The following PALD1 variants were observed in gnomAD, a reference collection of about 807,000 sequenced individuals.
PALD1 encodes paladin.
In PALD1, 57 loss-of-function variants were observed where a neutral mutation model predicts 96.0. The ratio of observed to expected loss-of-function variants is 0.59; its 90% CI spans 0.48 to 0.74. The LOEUF (loss-of-function observed/expected upper bound fraction) is 0.74. PALD1 is among the 30% of genes least tolerant of loss of function. The pLI, the probability that PALD1 is intolerant of heterozygous loss-of-function variation, is 0.00. For missense variants in PALD1, 1,063 were observed against 1,143.7 expected, an observed-to-expected ratio of 0.93 and a Z score of 1.02; for synonymous variants, 464 against 473.6, an observed-to-expected ratio of 0.98 and a Z score of 0.26.
the PALD1 span, among the ~76,000 whole-genome samples, chr10:70,462,789 G>C: frequency 6.6e-6 from 1 of 152,170 alleles, no homozygotes; most frequent in Non-Finnish European, 1.5e-5. Context: ...GGGACAGTGG[G>C]TAGCCTTGGC....
At chr10:70,531,719 G>A (rs1009572594) in intron 5 of PALD1, among the ~76,000 whole-genome samples, 24 of 152,094 alleles carry the variant, frequency 1.6e-4, no homozygotes, top group East Asian at 3.9e-4. Context: ...CTGGTGGGCC[G>A]GGTGCAGTGG....
intron 1 of PALD1, among the ~76,000 whole-genome samples, chr10:70,493,558 G>A (rs1846134251): frequency 6.6e-6 from 1 of 152,180 alleles, no homozygotes; most frequent in South Asian, 2.1e-4. Flanking sequence ...GCAGCTGAGG[G>A]TGGCGTTGGC....
rs1192247907 is a variant in PALD1, at chr10:70,539,345, G to C, written c.1725+98G>C. On this transcript the variant is annotated intron_variant, in intron 14 of 19. Coordinates refer to ENST00000263563, the MANE Select transcript of PALD1 (RefSeq NM_014431.3). The surrounding 1 kb of genome is among the most constrained non-coding windows in gnomAD (Gnocchi z 4.5). ...GGCCTCACACTCCCGCAGACAGATG[G>C]AGAATCTGAGGCCCCGGGAGGAGCA... 3 of 1,283,314 alleles carry C rather than the reference G, an allele frequency of 2.3e-6. No individual in the cohort carries two copies. The African/African-American group carries it at 4.5e-5, about 19-fold the overall frequency. 79.5% of individuals were successfully genotyped at this position (1,283,314 alleles called of 1,614,324 possible).
At chr10:70,511,220 A>T (rs1006253776) in intron 1 of PALD1, among the ~76,000 whole-genome samples, 7 of 152,194 alleles carry the variant, frequency 4.6e-5, no homozygotes, top group Non-Finnish European at 1.0e-4. Flanking sequence ...AAAGCCAAAT[A>T]ACAGTGGTTT....
At position 70,489,656 on chromosome 10, in the gene PALD1, T is replaced by C. The variant is rs547573428; in HGVS notation, c.-30+10597T>C. ...CTCAAATGTGGGTAATACGTGGACT[T>C]CCAATTCACAGCCCTATTGAGATCT... On this transcript the variant is annotated intron_variant, in intron 1 of 19. Transcript: ENST00000263563. 1.1e-4 allele frequency among the ~76,000 whole-genome samples: 17 copies of C among 152,300 alleles called. No homozygotes were observed. The South Asian group carries it at 3.5e-3, about 32-fold the overall frequency.
chr10:70,530,619 G>C (rs570444143), intron 4 of PALD1, among the ~76,000 whole-genome samples: 4 of 152,100 alleles, frequency 2.6e-5, no homozygotes, highest in Admixed American at 6.5e-5. Context: ...AGGGTTTTGC[G>C]TGTCCCTAGG....
At chr10:70,537,059 G>T (rs1289667679) in intron 10 of PALD1, among the ~76,000 whole-genome samples, 4 of 152,132 alleles carry the variant, frequency 2.6e-5, no homozygotes, top group African/African-American at 9.7e-5. Context: ...CTCCCCTGGA[G>T]CACTGCTGTG....
At chr10:70,538,461 C>A in intron 12 of PALD1, 53 bp downstream of exon 12, 1 of 1,562,964 alleles carries the variant, frequency 6.4e-7, no homozygotes, top group Non-Finnish European at 8.7e-7. Flanking sequence ...CTGGCCCTGG[C>A]CCCTAAACAC....
intron 1 of PALD1, among the ~76,000 whole-genome samples, chr10:70,517,832 C>T (rs1052678719): frequency 3.9e-5 from 6 of 152,144 alleles, no homozygotes; most frequent in African/African-American, 1.4e-4. Context: ...GCTTGTTTCT[C>T]TCGGTAATAG....
chr10:70,541,311 C>T (rs1847241089), intron 16 of PALD1, 69 bp downstream of exon 16: 1 of 1,543,692 alleles, frequency 6.5e-7, no homozygotes, highest in Non-Finnish European at 8.8e-7. Context: ...GTCCCAGGCA[C>T]ACTGGCTCCA....
rs778157571 is a variant in PALD1, at chr10:70,564,423, C to T, written c.2322C>T (p.Tyr774=). ...MRRLQLRSLQ[Y]LERYVCLILF... The stretch of plus-strand genomic sequence containing the variant: ...GGCTGCAGCTGCGGAGCCTGCAGTA[C>T]TTGGAGCGCTATGTCTGCCTGATTC... Residue 774 remains tyrosine (Y), a synonymous_variant, in exon 19 of 20, where the codon TAC becomes TAT. Transcript: ENST00000263563. 5 of 1,614,000 alleles carry T rather than the reference C, an allele frequency of 3.1e-6. No individual in the cohort carries two copies. Among genetic ancestry groups the T allele is most frequent in the Admixed American group, 3.3e-5 (2 of 60,006 alleles).
At position 70,487,022 on chromosome 10, in the gene PALD1, C is replaced by A. The variant is rs1419683048; in HGVS notation, c.-30+7963C>A. 3.3e-5 allele frequency among the ~76,000 whole-genome samples: 5 copies of A among 152,198 alleles called. No individual in the cohort carries two copies. The East Asian group carries it at 9.6e-4, about 29-fold the overall frequency. On this transcript the variant is annotated intron_variant, in intron 1 of 19. Transcript: ENST00000263563. ...GCCCCAGAGTTGCCCTTTGGGGAGC[C>A]CTCTGGGGAGGTGTGGAGTAGTCTC...
At chr10:70,520,319 G>A (rs1378002919) in intron 1 of PALD1, among the ~76,000 whole-genome samples, 1 of 152,192 alleles carries the variant, frequency 6.6e-6, no homozygotes, top group African/African-American at 2.4e-5. Flanking sequence ...GTGGGGGTTT[G>A]TAAACTTTAG....
intron 18 of PALD1, among the ~76,000 whole-genome samples, chr10:70,561,998 T>C (rs1253046531): frequency 6.6e-6 from 1 of 152,232 alleles, no homozygotes; most frequent in Admixed American, 6.5e-5. Flanking sequence ...CCCCAGTATG[T>C]GGCTTGGGTG....
At chr10:70,494,293 G>C (rs1366610049) in intron 1 of PALD1, among the ~76,000 whole-genome samples, 1 of 152,146 alleles carries the variant, frequency 6.6e-6, no homozygotes, top group Non-Finnish European at 1.5e-5. Flanking sequence ...GTTTATTTCT[G>C]TGTCTCTTGC....
chr10:70,484,152 A>C (rs1434716088), intron 1 of PALD1, among the ~76,000 whole-genome samples: 1 of 151,926 alleles, frequency 6.6e-6, no homozygotes, highest in Non-Finnish European at 1.5e-5. Context: ...ACAGGTGCCC[A>C]CCACTACGCC....
chr10:70,482,931 T>A (rs1399349884), intron 1 of PALD1, among the ~76,000 whole-genome samples: 1 of 152,180 alleles, frequency 6.6e-6, no homozygotes, highest in Non-Finnish European at 1.5e-5. Flanking sequence ...GAGGCCAGGA[T>A]GCTTGCACAG....
chr10:70,541,156 A>G lies in PALD1; in HGVS notation c.1963A>G (p.Thr655Ala). 6.2e-7 allele frequency: 1 copy of G among 1,613,650 alleles called. No individual in the cohort carries two copies. Among genetic ancestry groups the G allele is most frequent in the Non-Finnish European group, 8.5e-7 (1 of 1,179,782 alleles). Residue 655 changes from threonine to alanine, a missense_variant, in exon 16 of 20, where the codon ACT (threonine) becomes GCT (alanine). Thr to Ala is a moderately conservative substitution (Grantham distance 58). Coordinates refer to ENST00000263563, the MANE Select transcript of PALD1 (RefSeq NM_014431.3). ...GGCCGCCCTCTCCAAGGACCCAGGCACTGGCTTCGTGTTCAGCTGCCTCAG... is the reference window on the plus strand; with the variant it reads ...GGCCGCCCTCTCCAAGGACCCAGGCGCTGGCTTCGTGTTCAGCTGCCTCAG... The part of the protein sequence containing the change: ...LRAALSKDPG[T>A]GFVFSCLSGQ...
At chr10:70,526,238 G>A in intron 2 of PALD1, 102 bp downstream of exon 2, 1 of 925,820 alleles carries the variant, frequency 1.1e-6, no homozygotes. Context: ...CTTGCAGACT[G>A]GATTCGGGTT....
Sources: allele counts gnomAD v4.1 joint callset (sites outside exome capture counted in the v4.1 genomes callset), GRCh38; gene constraint gnomAD v4.1.1; non-coding constraint Gnocchi (gnomAD v3.1); transcripts MANE v1.5; gene names NCBI Gene and HGNC (gene_info 2026-07-23, HGNC 2026-07-21).